Variants in ADK observed in about 807,000 individuals in gnomAD.
ADK encodes N6,N6-dimethyladenosine kinase.
A neutral mutation model predicts 44.7 loss-of-function variants in ADK; 24 were observed. The ratio of observed to expected loss-of-function variants is 0.54; its 90% confidence interval spans 0.39 to 0.76. The LOEUF (loss-of-function observed/expected upper bound fraction) is 0.76. ADK is among the 30% of genes least tolerant of loss of function. ADK has a pLI of 0.00. For missense variants in ADK, 321 were observed against 425.1 expected (o/e 0.76, Z 2.15); for synonymous variants, 128 against 142.6 (o/e 0.90, Z 0.73).
intron 8 of ADK, among the ~76,000 whole-genome samples, chr10:74,589,754 A>T (rs1479368032): frequency 6.6e-6 from 1 of 152,218 alleles, no homozygotes. Flanking sequence ...CATGTAGATT[A>T]TCATTATGCA....
At chr10:74,492,970 A>G (rs747109454) in intron 6 of ADK, among the ~76,000 whole-genome samples, 17 of 152,162 alleles carry the variant, frequency 1.1e-4, no homozygotes, top group Non-Finnish European at 2.2e-4. Flanking sequence ...ACATGTTCAC[A>G]TGCTAGTTTT....
chr10:74,595,316 A>G (rs931681322), intron 8 of ADK, among the ~76,000 whole-genome samples: 25 of 150,082 alleles, frequency 1.7e-4, no homozygotes, highest in Admixed American at 1.5e-3. Context: ...CACACATTCT[A>G]ACATGTTGGA....
At chr10:74,352,054 TA>T (rs879358173) in intron 4 of ADK, among the ~76,000 whole-genome samples, 351 of 142,100 alleles carry the variant, frequency 2.5e-3, no homozygotes, top group Middle Eastern at 3.6e-3. Flanking sequence ...TTCGCAGAGT[TA>T]AAAAAAAAAA....
At chr10:74,498,205 A>C (rs1169729531) in intron 6 of ADK, among the ~76,000 whole-genome samples, 1 of 152,182 alleles carries the variant, frequency 6.6e-6, no homozygotes, top group East Asian at 1.9e-4. Context: ...GACCTCTTTG[A>C]AAAAGTGTTA....
chr10:74,239,609 G>A (rs1318101617), intron 3 of ADK, among the ~76,000 whole-genome samples: 1 of 151,446 alleles, frequency 6.6e-6, no homozygotes, highest in Non-Finnish European at 1.5e-5. Context: ...GCTATCAGGA[G>A]GCTGAGGTGG....
chr10:74,534,003 C>A (rs1849373128), intron 7 of ADK, among the ~76,000 whole-genome samples: 1 of 152,150 alleles, frequency 6.6e-6, no homozygotes, highest in Non-Finnish European at 1.5e-5. Flanking sequence ...TTTTAGAATA[C>A]CTATGCTGAG....
chr10:74,497,282 T>C (rs1381861286), intron 6 of ADK, among the ~76,000 whole-genome samples: 1 of 152,246 alleles, frequency 6.6e-6, no homozygotes, highest in Non-Finnish European at 1.5e-5. Context: ...TTTTCACTTA[T>C]AGTTGTTTTG....
chr10:74,177,548 A>G (rs1215684021), intron 1 of ADK, among the ~76,000 whole-genome samples: 1 of 152,076 alleles, frequency 6.6e-6, no homozygotes, highest in Non-Finnish European at 1.5e-5. Flanking sequence ...TTTTTTGTTA[A>G]TGAGGACAGG....
intron 3 of ADK, among the ~76,000 whole-genome samples, chr10:74,224,913 G>C (rs1844472101): frequency 6.6e-6 from 1 of 152,046 alleles, no homozygotes; most frequent in Admixed American, 6.5e-5. Flanking sequence ...CTTTCTGACT[G>C]CTCTACCAGA....
intron 9 of ADK, among the ~76,000 whole-genome samples, chr10:74,633,868 C>T (rs571973694): frequency 8.5e-5 from 13 of 152,266 alleles, no homozygotes; most frequent in South Asian, 2.1e-4. Context: ...GTAGAAAACA[C>T]GCAGTCTTAC....
intron 3 of ADK, among the ~76,000 whole-genome samples, chr10:74,302,863 A>AG (rs397769499): frequency 7.9e-5 from 12 of 151,614 alleles, no homozygotes; most frequent in African/African-American, 2.9e-4. Context: ...TTAAAAAAAA[A>AG]CAACCCAGGA....
intron 4 of ADK, among the ~76,000 whole-genome samples, chr10:74,376,961 A>G (rs1011240586): frequency 3.3e-5 from 5 of 152,140 alleles, no homozygotes; most frequent in Non-Finnish European, 7.4e-5. Context: ...ATCTTCTTAA[A>G]GTGATGCTCC....
chr10:74,551,678 A>G (rs1398116331), intron 7 of ADK, among the ~76,000 whole-genome samples: 1 of 152,208 alleles, frequency 6.6e-6, no homozygotes, highest in Non-Finnish European at 1.5e-5. Flanking sequence ...AACCAATACT[A>G]AGAATAGAGA....
intron 6 of ADK, among the ~76,000 whole-genome samples, chr10:74,462,348 A>C (rs1447766059): frequency 2.0e-5 from 3 of 152,088 alleles, no homozygotes; most frequent in Non-Finnish European, 4.4e-5. Context: ...GAAAACTAAA[A>C]CCTCTTTCTA....
chr10:74,195,707 CTTTTTTT>C (rs71475265), intron 1 of ADK, among the ~76,000 whole-genome samples: 1 of 97,526 alleles, frequency 1.0e-5, no homozygotes, highest in South Asian at 3.4e-4. Flanking sequence ...TCTTTTCTTT[CTTTTTTT>C]TTTTTTTTTT....
intron 7 of ADK, among the ~76,000 whole-genome samples, chr10:74,587,121 T>A (rs1044587802): frequency 6.6e-6 from 1 of 152,132 alleles, no homozygotes; most frequent in African/African-American, 2.4e-5. Flanking sequence ...AAATAAGTGG[T>A]TCTAGTATAG....
At chr10:74,391,696 C>CACACACACAT (rs1156748052) in intron 4 of ADK, among the ~76,000 whole-genome samples, 7 of 150,366 alleles carry the variant, frequency 4.7e-5, no homozygotes, top group African/African-American at 1.5e-4. Flanking sequence ...CACACACACA[C>CACACACACAT]ATTCTCTTTT....
chr10:74,177,778 C>A (rs1842396735), intron 1 of ADK, among the ~76,000 whole-genome samples: 1 of 151,888 alleles, frequency 6.6e-6, no homozygotes, highest in Non-Finnish European at 1.5e-5. Context: ...TATGAGCTTT[C>A]CAGGCTCCAC....
chr10:74,544,093 C>G (rs1252546718), intron 7 of ADK, among the ~76,000 whole-genome samples: 2 of 152,142 alleles, frequency 1.3e-5, no homozygotes, highest in African/African-American at 4.8e-5. Flanking sequence ...CTTCTCCACT[C>G]CCATTCAGTT....
Sources: allele counts gnomAD v4.1 joint callset (sites outside exome capture counted in the v4.1 genomes callset), GRCh38; gene constraint gnomAD v4.1.1; transcripts MANE v1.5; gene names NCBI Gene and HGNC (gene_info 2026-07-23, HGNC 2026-07-21).